The following MGAT5 variants were observed in gnomAD, a reference collection of about 807,000 sequenced individuals.
The protein encoded by MGAT5 is alpha-1,6-mannosylglycoprotein 6-beta-N-acetylglucosaminyltransferase.
Under a neutral mutation model 94.3 loss-of-function variants are expected in MGAT5, and 30 were observed. The ratio of observed to expected loss-of-function variants is 0.32; its 90% CI spans 0.24 to 0.43. The LOEUF is 0.43. MGAT5 is among the 20% of genes least tolerant of loss of function. The pLI is 1.00. For missense variants in MGAT5, 691 were observed against 905.5 expected, an observed-to-expected ratio of 0.76 and a Z score of 3.04; for synonymous variants, 310 against 322.9, an observed-to-expected ratio of 0.96 and a Z score of 0.43.
At chr2:134,226,426 A>G (rs1681068176) in intron 1 of MGAT5, among the ~76,000 whole-genome samples, 1 of 152,212 alleles carries the variant, frequency 6.6e-6, no homozygotes, top group South Asian at 2.1e-4. Context: ...CTTAAAAACT[A>G]GAAGTTCTTT....
chr2:134,191,970 C>G (rs1466534494), intron 1 of MGAT5, among the ~76,000 whole-genome samples: 1 of 133,186 alleles, frequency 7.5e-6, no homozygotes, highest in African/African-American at 2.8e-5. Context: ...CTGCTCGCGC[C>G]AGCGGGTTCC....
In MGAT5 at chr2:134,254,421, G is replaced by C; in HGVS notation, c.18G>C (p.Pro6=). The C allele has an allele frequency of 2.5e-6, 4 of 1,614,222 alleles. No homozygotes were observed. The highest frequency in any genetic ancestry group is 3.4e-6 in the Non-Finnish European group (4 of 1,180,036). Residue 6 remains proline (P), a synonymous_variant, in exon 1 of 16, where the codon CCG becomes CCC. Transcript: ENST00000281923. ...AGAGAGCAATGGCTCTCTTCACTCCGTGGAAGTTGTCCTCTCAGAAGCTGG... is the reference window on the plus strand; with the variant it reads ...AGAGAGCAATGGCTCTCTTCACTCCCTGGAAGTTGTCCTCTCAGAAGCTGG... The part of the protein sequence containing the change: MALFT[P]WKLSSQKLGF...
intron 1 of MGAT5, 141 bp from the exon 2 acceptor site, chr2:134,270,245 C>T (rs1683947441): frequency 1.3e-6 from 1 of 797,274 alleles, no homozygotes; most frequent in African/African-American, 1.8e-5. Context: ...CCCTTGTCAT[C>T]TTTCAGATGT....
chr2:134,120,058 C>T (rs1171165401), upstream of MGAT5: 1 of 152,660 alleles, frequency 6.6e-6, no homozygotes, highest in Non-Finnish European at 1.5e-5. Flanking sequence ...TGCTGCGTCT[C>T]GGGGCTGAGT....
intron 2 of MGAT5, among the ~76,000 whole-genome samples, chr2:134,290,567 T>C (rs1685286468): frequency 1.3e-5 from 2 of 152,358 alleles, no homozygotes; most frequent in Non-Finnish European, 1.5e-5. Flanking sequence ...CTAAAACCTC[T>C]CCAGATCATC....
intron 14 of MGAT5, among the ~76,000 whole-genome samples, chr2:134,434,700 C>A (rs1685074175): frequency 1.3e-5 from 2 of 152,140 alleles, no homozygotes; most frequent in Admixed American, 1.3e-4. Context: ...ACCCAGATGG[C>A]CTTCCCTATC....
At chr2:134,409,529 T>C (rs1683527535) in intron 11 of MGAT5, among the ~76,000 whole-genome samples, 1 of 152,246 alleles carries the variant, frequency 6.6e-6, no homozygotes. Flanking sequence ...GATTCATCAA[T>C]TCATTTGATG....
At chr2:134,360,659 T>C (rs1680027848) in intron 9 of MGAT5, among the ~76,000 whole-genome samples, 1 of 152,216 alleles carries the variant, frequency 6.6e-6, no homozygotes. Context: ...ACACTGAGAA[T>C]GCACACAGGT....
chr2:134,234,209 G>A (rs1018329108), intron 1 of MGAT5, among the ~76,000 whole-genome samples: 3 of 152,176 alleles, frequency 2.0e-5, no homozygotes, highest in African/African-American at 7.2e-5. Context: ...CCGGGGATTG[G>A]GGGCAGGGGT....
intron 10 of MGAT5, among the ~76,000 whole-genome samples, chr2:134,393,085 G>A (rs566424378): frequency 3.8e-4 from 58 of 152,308 alleles, no homozygotes; most frequent in African/African-American, 1.2e-3. Flanking sequence ...ATTTGTTTCC[G>A]TGAATACCCA....
rs544036563 is a variant in MGAT5, at chr2:134,124,779, C to A, written c.-143+4488C>A. Among the ~76,000 whole-genome samples, 3 of 152,296 alleles carry A rather than the reference C, an allele frequency of 2.0e-5. No individual in the cohort carries two copies. In the East Asian group the frequency reaches 5.8e-4, roughly 29 times the overall value. ...GCAATAGGTTTACTTTTTAAAATGT[C>A]AGCACTTCAAGGTTATCCCTAGAAT... On this transcript the variant is annotated intron_variant, in intron 1 of 16. Transcript: ENST00000409645.
At chr2:134,166,651 T>C (rs553614481) in intron 1 of MGAT5, among the ~76,000 whole-genome samples, 2 of 152,236 alleles carry the variant, frequency 1.3e-5, no homozygotes, top group South Asian at 4.1e-4. Flanking sequence ...GGAGACCTCA[T>C]AGCAGGTATG....
At chr2:134,399,624 G>T (rs1461030552) in intron 10 of MGAT5, among the ~76,000 whole-genome samples, 3 of 152,196 alleles carry the variant, frequency 2.0e-5, no homozygotes, top group Non-Finnish European at 4.4e-5. Context: ...ATGATACTCA[G>T]TGCAGGCCCT....
chr2:134,164,082 G>T (rs1687859038), intron 1 of MGAT5, among the ~76,000 whole-genome samples: 1 of 152,206 alleles, frequency 6.6e-6, no homozygotes, highest in Non-Finnish European at 1.5e-5. Context: ...ACCACTCCAT[G>T]TGCCTCACTC....
intron 1 of MGAT5, among the ~76,000 whole-genome samples, chr2:134,171,336 A>G (rs1382647551): frequency 1.3e-5 from 2 of 152,054 alleles, no homozygotes; most frequent in Non-Finnish European, 2.9e-5. Context: ...GTGCATATAT[A>G]TTTGGGACTG....
intron 1 of MGAT5, among the ~76,000 whole-genome samples, chr2:134,243,141 G>A (rs1330128012): frequency 6.6e-6 from 1 of 151,984 alleles, no homozygotes; most frequent in Non-Finnish European, 1.5e-5. Context: ...TCTTTTAAAT[G>A]TTCTCATGCC....
At chr2:134,228,825 C>A (rs1681203301) in intron 1 of MGAT5, among the ~76,000 whole-genome samples, 1 of 152,186 alleles carries the variant, frequency 6.6e-6, no homozygotes, top group Admixed American at 6.5e-5. Context: ...ATAGAGGGCA[C>A]CACAGTGACT....
chr2:134,428,341 T>C, intron 13 of MGAT5, 24 bp from the exon 14 acceptor site: 1 of 1,609,856 alleles, frequency 6.2e-7, no homozygotes, highest in Non-Finnish European at 8.5e-7. Context: ...TTCTCCTTCA[T>C]GGTATCATGC....
rs112505075 is a variant in MGAT5 at position 134,422,685 on chromosome 2, C to CAGTA, written c.1678-117_1678-116insGTAA. 18 of 711,218 alleles carry CAGTA rather than the reference C, an allele frequency of 2.5e-5. No homozygotes were observed. The African/African-American group carries it at 3.0e-4, about 12-fold the overall frequency. 44.1% of individuals were successfully genotyped at this position (711,218 alleles called of 1,614,324 possible). A position where few individuals can be genotyped will look rare whatever the true frequency, so the allele number is the denominator to read the frequency against. ...TGGTTTTGATCATCAAGGGGAAGGA[C>CAGTA]ACAGTGTCTTGTTACCTACACGATT... is the stretch of plus-strand genomic sequence containing the variant. On this transcript the variant is annotated intron_variant, in intron 12 of 15. Coordinates refer to ENST00000281923, the MANE Select transcript of MGAT5 (RefSeq NM_002410.5).
Sources: gnomAD v4.1 joint callset for allele counts (sites outside exome capture counted in the v4.1 genomes callset) on GRCh38, gnomAD v4.1.1 for gene constraint, MANE v1.5 for transcripts, NCBI Gene and HGNC (gene_info 2026-07-23, HGNC 2026-07-21) for gene names.